The following PDE4D variants were observed in gnomAD, a reference collection of about 807,000 sequenced individuals.
PDE4D encodes 3',5'-cyclic-AMP phosphodiesterase 4D.
A neutral mutation model predicts 87.4 loss-of-function variants in PDE4D; 24 were observed. That is an observed-to-expected ratio of 0.27 (90% confidence interval 0.20 to 0.39). The LOEUF is 0.39. Among genes scored for constraint, PDE4D ranks in the 10% least tolerant of loss-of-function variants. The probability of loss-of-function intolerance (pLI) is 1.00; values close to 1 mark genes in which losing one functional copy is unlikely to be tolerated. For missense variants in PDE4D, 714 were observed against 1,041.0 expected (o/e 0.69, Z 4.32); for synonymous variants, 384 against 383.2 (o/e 1.00, Z -0.02).
intron 5 of PDE4D, among the ~76,000 whole-genome samples, chr5:59,164,660 A>T (rs919154401): frequency 6.6e-6 from 1 of 152,092 alleles, no homozygotes; most frequent in Non-Finnish European, 1.5e-5. Context: ...CTTTTTTTTA[A>T]AAAAATGATT....
chr5:59,985,768 A>G (rs1172669131), intron 3 of PDE4D, among the ~76,000 whole-genome samples: 1 of 152,180 alleles, frequency 6.6e-6, no homozygotes, highest in Admixed American at 6.5e-5. Flanking sequence ...TACCACATGT[A>G]CCAAAATTCA....
chr5:60,330,766 C>G (rs1321414578), intron 1 of PDE4D, among the ~76,000 whole-genome samples: 1 of 152,142 alleles, frequency 6.6e-6, no homozygotes, highest in African/African-American at 2.4e-5. Context: ...TTTCTTTGAG[C>G]AAAAGTTTGT....
upstream of PDE4D, chr5:60,490,844 A>T (rs2150234460): frequency 6.6e-6 from 1 of 152,378 alleles, no homozygotes. Context: ...GTTGATTGAA[A>T]AGTGTCTCAA....
intron 1 of PDE4D, among the ~76,000 whole-genome samples, chr5:60,501,320 G>T (rs1407726330): frequency 2.6e-5 from 4 of 152,096 alleles, no homozygotes; most frequent in African/African-American, 9.6e-5. Flanking sequence ...TCCCTACAAA[G>T]GACATGAACT....
chr5:60,473,764 C>T (rs1032454260), intron 1 of PDE4D, among the ~76,000 whole-genome samples: 37 of 151,800 alleles, frequency 2.4e-4, no homozygotes, highest in African/African-American at 8.4e-4. Flanking sequence ...CTACCATATG[C>T]TTTCACCTCT....
chr5:59,817,432 T>C (rs892606457), intron 1 of PDE4D, among the ~76,000 whole-genome samples: 1 of 152,168 alleles, frequency 6.6e-6, no homozygotes, highest in Non-Finnish European at 1.5e-5. Context: ...GAAAGACACA[T>C]AGTAAACACA....
At chr5:59,012,238 C>T (rs564506338) in intron 6 of PDE4D, among the ~76,000 whole-genome samples, 30 of 152,290 alleles carry the variant, frequency 2.0e-4, no homozygotes, top group South Asian at 8.3e-4. Flanking sequence ...GAAGAAACTG[C>T]ATCAACTAAT....
intron 1 of PDE4D, among the ~76,000 whole-genome samples, chr5:59,726,692 G>A (rs62370506): frequency 0.047 from 7,184 of 152,076 alleles, 199 homozygotes; most frequent in South Asian, 0.063. Context: ...ACGTAATATC[G>A]TTTTAGTTAT....
At chr5:59,261,865 T>G (rs918590428) in intron 1 of PDE4D, among the ~76,000 whole-genome samples, 1 of 151,846 alleles carries the variant, frequency 6.6e-6, no homozygotes, top group Non-Finnish European at 1.5e-5. Flanking sequence ...ATATCTCTTA[T>G]TAAAATGGCA....
intron 1 of PDE4D, among the ~76,000 whole-genome samples, chr5:60,334,789 A>C (rs1424733858): frequency 1.3e-5 from 2 of 151,940 alleles, no homozygotes; most frequent in Admixed American, 6.6e-5. Flanking sequence ...TGAGGCTAAG[A>C]CTCCCCAAAT....
intron 1 of PDE4D, among the ~76,000 whole-genome samples, chr5:60,431,422 C>T (rs1170119396): frequency 2.0e-5 from 3 of 151,392 alleles, no homozygotes; most frequent in Non-Finnish European, 2.9e-5. Context: ...AGGCGCTCCT[C>T]ACATCCCAGA....
chr5:59,199,257 C>CTT, intron 2 of PDE4D, among the ~76,000 whole-genome samples: 1 of 141,918 alleles, frequency 7.0e-6, no homozygotes, highest in African/African-American at 2.6e-5. Flanking sequence ...GAATCTAATC[C>CTT]TTTTTTTTTT....
At chr5:59,445,613 G>C (rs533748587) in intron 1 of PDE4D, among the ~76,000 whole-genome samples, 1 of 152,292 alleles carries the variant, frequency 6.6e-6, no homozygotes, top group Admixed American at 6.5e-5. Flanking sequence ...AAATAACACA[G>C]TTAACAGAAT....
At position 59,241,674 on chromosome 5, in the gene PDE4D, C is replaced by T. The variant is rs540258693; in HGVS notation, c.456-25706G>A. On this transcript the variant is annotated intron_variant, in intron 1 of 14. Coordinates refer to ENST00000340635, the MANE Select transcript of PDE4D (RefSeq NM_001104631.2). ...AGAAATTCCACTGACACTCAGGGGA[C>T]TAAGTTATGTAGTTTAACTAAATTT... is the stretch of plus-strand genomic sequence containing the variant. 3.0e-4 allele frequency among the ~76,000 whole-genome samples: 45 copies of T among 152,270 alleles called. 4 individuals are homozygous for T. The South Asian group carries it at 8.9e-3, about 30-fold the overall frequency.
chr5:59,795,741 G>T (rs1374123204), intron 1 of PDE4D, among the ~76,000 whole-genome samples: 1 of 152,210 alleles, frequency 6.6e-6, no homozygotes, highest in East Asian at 1.9e-4. Context: ...GCTATGGGTT[G>T]AATTGTGTCC....
At chr5:60,344,091 C>A (rs1221032484) in intron 1 of PDE4D, among the ~76,000 whole-genome samples, 1 of 151,906 alleles carries the variant, frequency 6.6e-6, no homozygotes. Flanking sequence ...TAAGTCATAC[C>A]TCTTGGCCAC....
At chr5:59,500,992 C>A (rs962386640) in intron 1 of PDE4D, among the ~76,000 whole-genome samples, 6 of 151,978 alleles carry the variant, frequency 3.9e-5, no homozygotes, top group Non-Finnish European at 8.8e-5. Context: ...TATTTAAATT[C>A]CAAAATTGAA....
At chr5:60,298,358 T>C (rs1021169673) in intron 1 of PDE4D, among the ~76,000 whole-genome samples, 2 of 152,172 alleles carry the variant, frequency 1.3e-5, no homozygotes, top group Non-Finnish European at 2.9e-5. Context: ...TTTCTACTCT[T>C]TCCAAAATGG....
At chr5:59,322,999 C>T (rs1221826052) in intron 1 of PDE4D, among the ~76,000 whole-genome samples, 1 of 152,088 alleles carries the variant, frequency 6.6e-6, no homozygotes, top group Non-Finnish European at 1.5e-5. Context: ...AATAATAGAT[C>T]AACACAGAAA....
Sources: gnomAD v4.1 joint callset for allele counts (sites outside exome capture counted in the v4.1 genomes callset) on GRCh38, gnomAD v4.1.1 for gene constraint, MANE v1.5 for transcripts, NCBI Gene and HGNC (gene_info 2026-07-23, HGNC 2026-07-21) for gene names.